Variants in BCR observed in about 807,000 individuals in gnomAD.
BCR encodes breakpoint cluster region protein.
BCR carries 58 observed loss-of-function variants against 138.6 expected under a neutral mutation model. The observed-to-expected ratio is 0.42, with a 90% CI of 0.34 to 0.52. BCR has a LOEUF of 0.52. Ranked by LOEUF, BCR falls within the 20% of genes least tolerant of loss-of-function variation. The pLI, the probability that BCR is intolerant of heterozygous loss-of-function variation, is 0.06. For missense variants in BCR, 1,599 were observed against 1,727.2 expected (o/e 0.93, Z 1.32); for synonymous variants, 786 against 730.1 (o/e 1.08, Z -1.23).
At chr22:23,218,162 G>T (rs1388629384) in intron 1 of BCR, among the ~76,000 whole-genome samples, 2 of 152,216 alleles carry the variant, frequency 1.3e-5, no homozygotes, top group African/African-American at 4.8e-5. Context: ...TTTGGTGTGG[G>T]GTTTGTGCTC....
At chr22:23,311,362 C>T (rs959233148) in intron 18 of BCR, among the ~76,000 whole-genome samples, 3 of 150,468 alleles carry the variant, frequency 2.0e-5, no homozygotes, top group African/African-American at 4.9e-5. Context: ...ACCTCCCAGC[C>T]GGGGGTACAG....
At chr22:23,255,920 A>T (rs752444005) in intron 2 of BCR, among the ~76,000 whole-genome samples, 7 of 152,174 alleles carry the variant, frequency 4.6e-5, no homozygotes, top group Non-Finnish European at 1.0e-4. Flanking sequence ...TGGTCTGAAG[A>T]GGAGGGGATT....
chr22:23,267,578 A>G (rs912682408), intron 4 of BCR, among the ~76,000 whole-genome samples: 1 of 152,266 alleles, frequency 6.6e-6, no homozygotes, highest in South Asian at 2.1e-4. Flanking sequence ...TCCAGCTTGC[A>G]GTCAGCTACA....
chr22:23,211,283 C>CCCT (rs1203635367), intron 1 of BCR, among the ~76,000 whole-genome samples: 1 of 151,928 alleles, frequency 6.6e-6, no homozygotes, highest in Non-Finnish European at 1.5e-5. Context: ...CTGCAAGCTC[C>CCCT]GCCTCCCGGG....
chr22:23,265,917 A>G (rs942548227), intron 4 of BCR, among the ~76,000 whole-genome samples: 2 of 152,230 alleles, frequency 1.3e-5, no homozygotes, highest in African/African-American at 4.8e-5. Flanking sequence ...TATGTAGTTC[A>G]TATAAACTTC....
At chr22:23,268,587 C>G in intron 5 of BCR, 72 bp downstream of exon 5, 1 of 1,237,116 alleles carries the variant, frequency 8.1e-7, no homozygotes, top group South Asian at 1.3e-5. Context: ...CCGAGGAGAA[C>G]AGAGTGCACC....
Position 23,283,864 on chromosome 22 carries a change from C to T in BCR, c.2116-113C>T, listed in dbSNP as rs1436616769. 2.9e-6 allele frequency: 4 copies of T among 1,379,890 alleles called. No homozygotes were observed. In the East Asian group the frequency reaches 1.0e-4, roughly 35 times the overall value. 85.5% of individuals were successfully genotyped at this position (1,379,890 alleles called of 1,614,324 possible). On this transcript the variant is annotated intron_variant, in intron 8 of 22. Coordinates refer to ENST00000305877, the MANE Select transcript of BCR (RefSeq NM_004327.4). ...TCAGATGTGGAGGGAGTGAAATCTT[C>T]CCAGGGAGAGAATGTCTCTGGGTCA...
Position 23,180,591 on chromosome 22 carries a change from C to CGGCGGCGGCGGCGGCGGCGGCGGCG in BCR, c.-370_-369insGGCGGCGGCGGCGGCGGCGGCGGCG, listed in dbSNP as rs1555958114. On this transcript the variant is annotated 5_prime_UTR_variant, in exon 1 of 23. Coordinates refer to ENST00000305877, the MANE Select transcript of BCR (RefSeq NM_004327.4). ...GAGGAGGCGGCGGCGGCGGCGGCGGCACGGCGGCGGCGGGGCTGTGGGGCG... is the reference window on the plus strand; with the variant it reads ...GAGGAGGCGGCGGCGGCGGCGGCGGCGGCGGCGGCGGCGGCGGCGGCGGCGACGGCGGCGGCGGGGCTGTGGGGCG... The CGGCGGCGGCGGCGGCGGCGGCGGCG allele has an allele frequency of 7.3e-5, 2 of 27,550 alleles. No individual in the cohort carries two copies. Among genetic ancestry groups the CGGCGGCGGCGGCGGCGGCGGCGGCG allele is most frequent in the African/African-American group, 3.3e-3 (2 of 606 alleles). The allele number at this position is 27,550 out of a possible 1,614,324, so 1.7% of individuals were successfully genotyped here. A position where few individuals can be genotyped will look rare whatever the true frequency, so the allele number is the denominator to read the frequency against.
At chr22:23,242,932 C>G (rs773963694) in intron 1 of BCR, 17 of 455,316 alleles carry the variant, frequency 3.7e-5, no homozygotes, top group Non-Finnish European at 5.3e-5. Context: ...CGGCATTCCT[C>G]GACCTGGTGA....
At chr22:23,271,244 C>T (rs2073506140) in intron 5 of BCR, among the ~76,000 whole-genome samples, 1 of 152,238 alleles carries the variant, frequency 6.6e-6, no homozygotes, top group African/African-American at 2.4e-5. Flanking sequence ...GGCAGCTGCT[C>T]AGCACCCTAA....
At chr22:23,195,093 A>G (rs1485246775) in intron 1 of BCR, among the ~76,000 whole-genome samples, 3 of 152,010 alleles carry the variant, frequency 2.0e-5, no homozygotes, top group South Asian at 2.1e-4. Context: ...CCTGGCCAAC[A>G]TGGTGAAATG....
At chr22:23,313,537 C>T (rs1376682441) in intron 20 of BCR, among the ~76,000 whole-genome samples, 2 of 152,214 alleles carry the variant, frequency 1.3e-5, no homozygotes, top group Non-Finnish European at 2.9e-5. Context: ...CTGTGGTGTC[C>T]AGGACGACGA....
At chr22:23,217,110 A>ACAGT (rs1388246165) in intron 1 of BCR, 1 of 428,662 alleles carries the variant, frequency 2.3e-6, no homozygotes, top group Non-Finnish European at 4.7e-6. Context: ...TTTTAGTTAC[A>ACAGT]CAGTCACAGG....
intron 3 of BCR, 80 bp from the exon 4 acceptor site, chr22:23,261,275 T>C (rs548152037): frequency 1.2e-5 from 17 of 1,443,958 alleles, no homozygotes; most frequent in African/African-American, 4.3e-5. Context: ...CAGGTAACCA[T>C]GACTGTCTAC....
intron 8 of BCR, among the ~76,000 whole-genome samples, chr22:23,277,037 G>T (rs1056653081): frequency 2.0e-5 from 3 of 152,360 alleles, no homozygotes; most frequent in East Asian, 3.9e-4. Context: ...CGGAGGTGAC[G>T]GGCGAGCTCC....
At chr22:23,229,915 G>A (rs568131646) in intron 1 of BCR, among the ~76,000 whole-genome samples, 28 of 152,238 alleles carry the variant, frequency 1.8e-4, no homozygotes, top group African/African-American at 5.8e-4. Flanking sequence ...CAGGGAGGCC[G>A]CTGCTTGCAT....
At chr22:23,250,191 T>C (rs1015556623) in intron 1 of BCR, among the ~76,000 whole-genome samples, 4 of 152,212 alleles carry the variant, frequency 2.6e-5, no homozygotes, top group African/African-American at 9.6e-5. Context: ...CCGAAGTTCT[T>C]GCTGGGCTGA....
At chr22:23,284,698 C>T (rs1005001046) in intron 9 of BCR, among the ~76,000 whole-genome samples, 11 of 152,306 alleles carry the variant, frequency 7.2e-5, no homozygotes, top group African/African-American at 2.6e-4. Context: ...TCAAACTTTA[C>T]GGCCCTGGGG....
chr22:23,306,474 T>C (rs780836784), intron 16 of BCR, among the ~76,000 whole-genome samples: 9 of 152,242 alleles, frequency 5.9e-5, no homozygotes, highest in Admixed American at 4.6e-4. Context: ...CAAGGCAGGC[T>C]GACCAGTCAT....
Sources: gnomAD v4.1 joint callset for allele counts (sites outside exome capture counted in the v4.1 genomes callset) on GRCh38, gnomAD v4.1.1 for gene constraint, MANE v1.5 for transcripts, NCBI Gene and HGNC (gene_info 2026-07-23, HGNC 2026-07-21) for gene names.